Variants in CATSPERB observed in about 807,000 individuals in gnomAD.
CATSPERB encodes catsper channel auxiliary subunit beta.
CATSPERB carries 93 observed loss-of-function variants against 128.3 expected under a neutral mutation model. The observed-to-expected ratio is 0.72, with a 90% CI of 0.61 to 0.86. The LOEUF is 0.86. Among genes scored for constraint, CATSPERB ranks in the 40% least tolerant of loss-of-function variants. CATSPERB has a pLI of 0.00. For missense variants in CATSPERB, 1,153 were observed against 1,329.5 expected (o/e 0.87, Z 2.06); for synonymous variants, 381 against 448.8 (o/e 0.85, Z 1.91).
At chr14:91,637,275 C>T (rs917138076) in intron 16 of CATSPERB, among the ~76,000 whole-genome samples, 3 of 152,040 alleles carry the variant, frequency 2.0e-5, no homozygotes, top group Non-Finnish European at 2.9e-5. Context: ...TGGTTGGGGA[C>T]ACATCTGTCC....
chr14:91,639,193 T>C lies in CATSPERB; in HGVS notation c.1490A>G (p.Tyr497Cys), dbSNP rs753243490. The part of the protein sequence containing the change: ...SVTERIFTLY[Y>C]DHLGFLHKLT... ...CTTATGTAGGAATCCCAAGTGATCA[T>C]AGTATAATGTGAAAATTCTCTCAGT... The change falls in exon 16 of 27, where the codon TAT becomes TGT. Residue 497 changes from tyrosine to cysteine, a missense_variant. Transcript: ENST00000256343. 3.7e-6 allele frequency: 6 copies of C among 1,613,778 alleles called. No individual in the cohort carries two copies. The African/African-American group carries it at 4.0e-5, about 11-fold the overall frequency.
At chr14:91,710,200 A>C (rs1342690699) in intron 5 of CATSPERB, 1 of 152,382 alleles carries the variant, frequency 6.6e-6, no homozygotes, top group Non-Finnish European at 1.5e-5. Flanking sequence ...TGAAGACAGA[A>C]AATAGAGATA....
At chr14:91,662,248 T>G (rs2139822874) in intron 14 of CATSPERB, among the ~76,000 whole-genome samples, 1 of 152,306 alleles carries the variant, frequency 6.6e-6, no homozygotes, top group South Asian at 2.1e-4. Context: ...GCACATATGT[T>G]TAAATAACAT....
At chr14:91,599,203 C>T (rs1385539425) in intron 22 of CATSPERB, among the ~76,000 whole-genome samples, 1 of 152,160 alleles carries the variant, frequency 6.6e-6, no homozygotes, top group Non-Finnish European at 1.5e-5. Flanking sequence ...CCATTCAGAA[C>T]CCCTTCGTGG....
intron 22 of CATSPERB, chr14:91,604,762 C>G (rs780540303): frequency 1.6e-4 from 259 of 1,613,676 alleles, no homozygotes; most frequent in Non-Finnish European, 2.1e-4. Flanking sequence ...TCATGTTCAC[C>G]AGGCATCCCC....
chr14:91,717,245 C>T (rs4904808), intron 5 of CATSPERB, among the ~76,000 whole-genome samples: 149,601 of 152,286 alleles, frequency 0.98, 73,530 homozygotes, highest in Middle Eastern at 1. Context: ...GGTGGAGTGA[C>T]TTTATTGCCT....
At chr14:91,660,684 G>T (rs894331593) in intron 14 of CATSPERB, among the ~76,000 whole-genome samples, 2 of 152,092 alleles carry the variant, frequency 1.3e-5, no homozygotes, top group African/African-American at 4.8e-5. Context: ...TTAATAACAA[G>T]TTATACAAGA....
chr14:91,638,961 T>C (rs1460288585), intron 16 of CATSPERB, 135 bp downstream of exon 16: 17 of 704,226 alleles, frequency 2.4e-5, no homozygotes, highest in Admixed American at 6.1e-5. Context: ...GTTCTTCCTT[T>C]AGTTAAATAG....
chr14:91,673,230 T>TTGA (rs1895129772), intron 12 of CATSPERB, among the ~76,000 whole-genome samples: 1 of 152,164 alleles, frequency 6.6e-6, no homozygotes, highest in Non-Finnish European at 1.5e-5. Flanking sequence ...CTTTAGGAAA[T>TTGA]CGACCCTTAG....
rs749729577 is a variant in CATSPERB at position 91,588,067 on chromosome 14, GCAC to G, written c.2965_2967del (p.Val989del). ...TGTTTCATTCTTTTAATATTTTCTG[GCAC>G]AGTGTGTTCTAAAAATACATAAAAC... is the stretch of plus-strand genomic sequence containing the variant. On this transcript the variant is annotated inframe_deletion, in exon 25 of 27. Transcript: ENST00000256343. The G allele has an allele frequency of 5.0e-6, 8 of 1,600,008 alleles. No homozygotes were observed. Among genetic ancestry groups the G allele is most frequent in the Non-Finnish European group, 6.8e-6 (8 of 1,168,922 alleles).
intron 5 of CATSPERB, among the ~76,000 whole-genome samples, chr14:91,716,103 C>T (rs1264580253): frequency 6.6e-6 from 1 of 152,174 alleles, no homozygotes; most frequent in Non-Finnish European, 1.5e-5. Context: ...AAACTCTGAT[C>T]TTCAAGAGAT....
intron 11 of CATSPERB, among the ~76,000 whole-genome samples, chr14:91,676,074 G>T (rs999629142): frequency 6.6e-6 from 1 of 152,080 alleles, no homozygotes; most frequent in Non-Finnish European, 1.5e-5. Context: ...GATTGCAGCA[G>T]GACCTGAACT....
chr14:91,729,462 T>C lies in CATSPERB; in HGVS notation c.18A>G (p.Ile6Met), dbSNP rs1483689554. 5 of 1,531,486 alleles carry C rather than the reference T, an allele frequency of 3.3e-6. No individual in the cohort carries two copies. The African/African-American group carries it at 5.5e-5, about 17-fold the overall frequency. 94.9% of individuals were successfully genotyped at this position (1,531,486 alleles called of 1,614,324 possible). A position where few individuals can be genotyped will look rare whatever the true frequency, so the allele number is the denominator to read the frequency against. ...TGTTCAAAAGCAAAACTGAAACATATATAAGTGGCGATTCCATCTGTTGGA... is the reference window on the plus strand; with the variant it reads ...TGTTCAAAAGCAAAACTGAAACATACATAAGTGGCGATTCCATCTGTTGGA... Reference protein sequence around the residue: MESPLIYVSVLLLNIF... With the variant: MESPLMYVSVLLLNIF... Residue 6 changes from isoleucine to methionine, a missense_variant, in exon 2 of 27, where the codon ATA becomes ATG. Transcript: ENST00000256343.
chr14:91,623,476 T>C (rs1894093977), intron 18 of CATSPERB, among the ~76,000 whole-genome samples: 1 of 152,228 alleles, frequency 6.6e-6, no homozygotes, highest in South Asian at 2.1e-4. Context: ...TTTGGTCTTA[T>C]AGCATTAACT....
chr14:91,693,224 C>T lies in CATSPERB; in HGVS notation c.733G>A (p.Val245Met), dbSNP rs1218139828. Residue 245 changes from valine (V) to methionine (M), a missense_variant, in exon 9 of 27, where the codon GTG (valine) becomes ATG (methionine). Coordinates refer to ENST00000256343, the MANE Select transcript of CATSPERB (RefSeq NM_024764.4). ...LQEEYEDLSL[V>M]DMVLTNHFLV... ...AAATGATTCGTTAAAACCATATCCA[C>T]CAATGAAAGGTCTTCATATTCTAAA... 6.2e-7 allele frequency: 1 copy of T among 1,612,724 alleles called. No individual in the cohort carries two copies. The highest frequency in any genetic ancestry group is 8.5e-7 in the Non-Finnish European group (1 of 1,179,102).
chr14:91,720,051 T>C (rs969969006), intron 4 of CATSPERB, among the ~76,000 whole-genome samples: 5 of 152,274 alleles, frequency 3.3e-5, no homozygotes, highest in Non-Finnish European at 7.4e-5. Flanking sequence ...AGACGTGTGG[T>C]ACAATTCTTC....
chr14:91,616,819 G>A (rs1337095465), intron 20 of CATSPERB, among the ~76,000 whole-genome samples: 1 of 129,144 alleles, frequency 7.7e-6, no homozygotes, highest in Non-Finnish European at 1.5e-5. Flanking sequence ...TCGGTTCACT[G>A]CAACCTCTGC....
In CATSPERB at chr14:91,731,944, C is replaced by G. The variant is rs996744941; in HGVS notation, c.-15G>C. On this transcript the variant is annotated 5_prime_UTR_variant, in exon 1 of 27. Transcript: ENST00000256343. The stretch of plus-strand genomic sequence containing the variant: ...ACTGTAATTACCTCTTTAGGAGATG[C>G]GCAACTAGTTGTGTTCTTCTTTTTT... 6.6e-6 allele frequency: 1 copy of G among 152,538 alleles called. No individual in the cohort carries two copies. The highest frequency in any genetic ancestry group is 1.5e-5 in the Non-Finnish European group (1 of 68,030). The allele number at this position is 152,538 out of a possible 1,614,324, so 9.4% of individuals were successfully genotyped here.
At chr14:91,728,606 G>A (rs995576106) in intron 2 of CATSPERB, among the ~76,000 whole-genome samples, 25 of 152,138 alleles carry the variant, frequency 1.6e-4, no homozygotes, top group Admixed American at 3.3e-4. Flanking sequence ...TCCACGGACT[G>A]CTTTGCCTAG....
Sources: gnomAD v4.1 joint callset for allele counts (sites outside exome capture counted in the v4.1 genomes callset) on GRCh38, gnomAD v4.1.1 for gene constraint, MANE v1.5 for transcripts, NCBI Gene and HGNC (gene_info 2026-07-23, HGNC 2026-07-21) for gene names.